PCDHB10: variants seen among roughly 807,000 people sequenced by gnomAD.
The protein encoded by PCDHB10 is protocadherin beta 10.
For missense variants in PCDHB10, 1,046 were observed against 1,004.7 expected, an observed-to-expected ratio of 1.04 and a Z score of -0.56; for synonymous variants, 448 against 449.2, an observed-to-expected ratio of 1.00 and a Z score of 0.04.
In PCDHB10 at chr5:141,194,814, G is replaced by A; in HGVS notation, c.2262G>A (p.Glu754=). The change falls in exon 1 of 1, where the codon GAG becomes GAA. Residue 754 remains glutamate, a synonymous_variant. Coordinates refer to ENST00000239446, the MANE Select transcript of PCDHB10 (RefSeq NM_018930.4). ...CCCTGTCCCAGAGCTACCAGTATGA[G>A]GTGTGTCTGACGGGAGGCCCCGGGA... The part of the protein sequence containing the change: ...AETLSQSYQY[E]VCLTGGPGTS... 2 of 1,614,190 alleles carry A rather than the reference G, an allele frequency of 1.2e-6. No individual in the cohort carries two copies.
rs1554284030 is a variant in PCDHB10, at chr5:141,193,306, C to G, written c.754C>G (p.Pro252Ala). 6.2e-7 allele frequency: 1 copy of G among 1,614,048 alleles called. No homozygotes were observed. Among genetic ancestry groups the G allele is most frequent in the South Asian group, 1.1e-5 (1 of 91,066 alleles). ...CCAGGCTCTGTATGAGACCCAGGCT[C>G]CAGAAAACAGCCCCATTGGGTTCCT... Reference protein sequence around the residue: ...FAQALYETQAPENSPIGFLIV... With the variant: ...FAQALYETQAAENSPIGFLIV... The change falls in exon 1 of 1, where the codon CCA becomes GCA. Residue 252 changes from proline to alanine, a missense_variant. Transcript: ENST00000239446.
rs371647116 is a variant in PCDHB10 at position 141,194,899 on chromosome 5, A to G, written c.2347A>G (p.Arg783Gly). ...ISDIQAQGPGRKGEENSTFRN... is the reference protein window; with the variant it reads ...ISDIQAQGPGGKGEENSTFRN... ...GGATATTCAGGCACAGGGCCCTGGG[A>G]GGAAGGGTGAAGAAAATTCCACCTT... The change falls in exon 1 of 1, where the codon AGG becomes GGG. Residue 783 changes from arginine to glycine, a missense_variant. Physicochemically the swap from Arg to Gly is moderately radical, Grantham distance 125 (BLOSUM62 -2). Coordinates refer to ENST00000239446, the MANE Select transcript of PCDHB10 (RefSeq NM_018930.4). The G allele has an allele frequency of 2.4e-4, 388 of 1,613,680 alleles. 5 individuals carry two copies. The South Asian group carries it at 4.1e-3, about 17-fold the overall frequency.
Position 141,195,185 on chromosome 5 carries a change from C to G in PCDHB10, c.*230C>G. ...GTGTTAAGGTTTTAATTCTTTCCAA[C>G]TGCCCAAGGAATTAATTACTATTAT... On this transcript the variant is annotated 3_prime_UTR_variant, in exon 1 of 1. Transcript: ENST00000239446. 2 of 429,996 alleles carry G rather than the reference C, an allele frequency of 4.7e-6. No homozygotes were observed. The highest frequency in any genetic ancestry group is 8.9e-5 in the South Asian group (2 of 22,370). 26.6% of individuals were successfully genotyped at this position (429,996 alleles called of 1,614,324 possible). A position where few individuals can be genotyped will look rare whatever the true frequency, so the allele number is the denominator to read the frequency against.
rs369842730 is a variant in PCDHB10 at position 141,192,602 on chromosome 5, T to C, written c.50T>C (p.Leu17Pro). The C allele has an allele frequency of 4.1e-5, 66 of 1,614,032 alleles. 1 individual carries two copies. The highest frequency in any genetic ancestry group is 5.0e-5 in the Non-Finnish European group (59 of 1,180,050). Residue 17 changes from leucine (L) to proline (P), a missense_variant, in exon 1 of 1, where the codon CTT (leucine) becomes CCT (proline). Leu to Pro is a moderately conservative substitution (Grantham distance 98). Coordinates refer to ENST00000239446, the MANE Select transcript of PCDHB10 (RefSeq NM_018930.4). ...CCAAGACAAAGGCAAGTCCTGTTTCTTTTTCTTTTTTGGGGAGTGTCCTTG... is the reference window on the plus strand; with the variant it reads ...CCAAGACAAAGGCAAGTCCTGTTTCCTTTTCTTTTTTGGGGAGTGTCCTTG... ...CFPRQRQVLF[L>P]FLFWGVSLAG...
chr5:141,195,531 T>C lies in PCDHB10; in HGVS notation c.*576T>C, dbSNP rs1297304138. The C allele has an allele frequency of 6.0e-6, 1 of 166,798 alleles. No homozygotes were observed. The highest frequency in any genetic ancestry group is 1.5e-5 in the Non-Finnish European group (1 of 67,998). 10.3% of individuals were successfully genotyped at this position (166,798 alleles called of 1,614,324 possible). A position where few individuals can be genotyped will look rare whatever the true frequency, so the allele number is the denominator to read the frequency against. ...AAGCATGCTACTTTTACTTGGCCAA[T>C]ATTTTCTTATGTTAACTTTTGCTGA... On this transcript the variant is annotated 3_prime_UTR_variant, in exon 1 of 1. Transcript: ENST00000239446.
Position 141,194,898 on chromosome 5 carries a change from G to A in PCDHB10, c.2346G>A (p.Gly782=). Reference sequence around the variant, plus strand: ...CGGATATTCAGGCACAGGGCCCTGGGAGGAAGGGTGAAGAAAATTCCACCT... The same window carrying A: ...CGGATATTCAGGCACAGGGCCCTGGAAGGAAGGGTGAAGAAAATTCCACCT... ...VISDIQAQGP[G]RKGEENSTFR... The change falls in exon 1 of 1, where the codon GGG becomes GGA. Residue 782 remains glycine (G), a synonymous_variant. Coordinates refer to ENST00000239446, the MANE Select transcript of PCDHB10 (RefSeq NM_018930.4). The A allele has an allele frequency of 6.2e-7, 1 of 1,613,714 alleles. No homozygotes were observed. The highest frequency in any genetic ancestry group is 8.5e-7 in the Non-Finnish European group (1 of 1,179,794).
In PCDHB10 at chr5:141,194,574, G is replaced by T. The variant is rs369381936; in HGVS notation, c.2022G>T (p.Pro674=). The T allele has an allele frequency of 5.2e-5, 81 of 1,565,664 alleles. 4 individuals are homozygous for T. The highest frequency in any genetic ancestry group is 2.2e-4 in the Admixed American group (12 of 55,156). ...DGFSQPYLPL[P]EAAPAQAQAE... ...TCTCCCAGCCCTACCTGCCTCTCCC[G>T]GAGGCGGCCCCGGCCCAGGCCCAGG... is the stretch of plus-strand genomic sequence containing the variant. Residue 674 remains proline, a synonymous_variant, in exon 1 of 1, where the codon CCG becomes CCT. Coordinates refer to ENST00000239446, the MANE Select transcript of PCDHB10 (RefSeq NM_018930.4).
In PCDHB10 at chr5:141,192,898, A is replaced by G. The variant is rs1198228076; in HGVS notation, c.346A>G (p.Ile116Val). The G allele has an allele frequency of 1.9e-6, 3 of 1,613,838 alleles. No homozygotes were observed. In the African/African-American group the frequency reaches 4.0e-5, roughly 22 times the overall value. Residue 116 changes from isoleucine (I) to valine (V), a missense_variant, in exon 1 of 1, where the codon ATT becomes GTT. Physicochemically the swap from Ile to Val is conservative, Grantham distance 29 (BLOSUM62 3). Transcript: ENST00000239446. ...FQILMDDPFQ[I>V]YRAELRVRDI... is the part of the protein sequence containing the mutation. ...AATTTTAATGGATGATCCCTTTCAGATTTACCGGGCTGAGCTGAGAGTCAG... is the reference window on the plus strand; with the variant it reads ...AATTTTAATGGATGATCCCTTTCAGGTTTACCGGGCTGAGCTGAGAGTCAG...
Position 141,194,394 on chromosome 5 carries a change from G to A in PCDHB10, c.1842G>A (p.Leu614=), listed in dbSNP as rs782793760. ...TGCTCAAGGCCACGGAGCCCGGGCTGTTCGGTGTGTGGGCGCACAATGGGG... is the reference window on the plus strand; with the variant it reads ...TGCTCAAGGCCACGGAGCCCGGGCTATTCGGTGTGTGGGCGCACAATGGGG... ...YQLLKATEPG[L]FGVWAHNGEV... Residue 614 remains leucine, a synonymous_variant, in exon 1 of 1, where the codon CTG becomes CTA. Transcript: ENST00000239446. 244 of 1,602,756 alleles carry A rather than the reference G, an allele frequency of 1.5e-4. No individual in the cohort carries two copies. The highest frequency in any genetic ancestry group is 5.5e-5 in the South Asian group (5 of 90,888).
Position 141,193,801 on chromosome 5 carries a change from T to C in PCDHB10, c.1249T>C (p.Tyr417His). ...GCTGGACAGAGAGATCAGAGCCGAG[T>C]ACAACATCACTATCACCGTCACTGA... is the stretch of plus-strand genomic sequence containing the variant. The part of the protein sequence containing the change: ...GALDREIRAE[Y>H]NITITVTDLG... The change falls in exon 1 of 1, where the codon TAC (tyrosine) becomes CAC (histidine). Residue 417 changes from tyrosine to histidine, a missense_variant. Coordinates refer to ENST00000239446, the MANE Select transcript of PCDHB10 (RefSeq NM_018930.4). 6.2e-7 allele frequency: 1 copy of C among 1,614,040 alleles called. No homozygotes were observed. Among genetic ancestry groups the C allele is most frequent in the African/African-American group, 1.3e-5 (1 of 74,962 alleles).
In PCDHB10 at chr5:141,194,782, G is replaced by A. The variant is rs782018178; in HGVS notation, c.2230G>A (p.Ala744Thr). The A allele has an allele frequency of 1.9e-5, 31 of 1,613,926 alleles. No homozygotes were observed. The African/African-American group carries it at 2.5e-4, about 13-fold the overall frequency. ...AGGGCATCTGGTGGACGTGAGGGGC[G>A]CTGAGACCCTGTCCCAGAGCTACCA... ...FPGHLVDVRG[A>T]ETLSQSYQYE... The change falls in exon 1 of 1, where the codon GCT becomes ACT. Residue 744 changes from alanine to threonine, a missense_variant. Physicochemically the swap from Ala to Thr is moderately conservative, Grantham distance 58 (BLOSUM62 0). Transcript: ENST00000239446.
Position 141,193,815 on chromosome 5 carries a change from C to G in PCDHB10, c.1263C>G (p.Ile421Met). 1 of 1,614,212 alleles carries G rather than the reference C, an allele frequency of 6.2e-7. No individual in the cohort carries two copies. Among genetic ancestry groups the G allele is most frequent in the Non-Finnish European group, 8.5e-7 (1 of 1,180,044 alleles). Reference sequence around the variant, plus strand: ...TCAGAGCCGAGTACAACATCACTATCACCGTCACTGACTTGGGGACACCCA... The same window carrying G: ...TCAGAGCCGAGTACAACATCACTATGACCGTCACTGACTTGGGGACACCCA... ...REIRAEYNIT[I>M]TVTDLGTPRL... Residue 421 changes from isoleucine to methionine, a missense_variant, in exon 1 of 1, where the codon ATC (isoleucine) becomes ATG (methionine). Physicochemically the swap from Ile to Met is conservative, Grantham distance 10 (BLOSUM62 1). Transcript: ENST00000239446.
At position 141,193,429 on chromosome 5, in the gene PCDHB10, C is replaced by A; in HGVS notation, c.877C>A (p.Gln293Lys). 1 of 1,614,144 alleles carries A rather than the reference C, an allele frequency of 6.2e-7. No homozygotes were observed. Among genetic ancestry groups the A allele is most frequent in the Non-Finnish European group, 8.5e-7 (1 of 1,180,014 alleles). ...DASENIRTTF[Q>K]INPFSGEIFL... ...CTCAGAAAATATTCGAACAACCTTT[C>A]AAATCAATCCTTTTTCTGGGGAAAT... The change falls in exon 1 of 1, where the codon CAA becomes AAA. Residue 293 changes from glutamine to lysine, a missense_variant. Gln to Lys is a moderately conservative substitution (Grantham distance 53). Transcript: ENST00000239446.
Position 141,195,309 on chromosome 5 carries a change from G to A in PCDHB10, c.*354G>A, listed in dbSNP as rs1265612822. The A allele has an allele frequency of 5.6e-6, 1 of 179,750 alleles. No individual in the cohort carries two copies. The highest frequency in any genetic ancestry group is 2.4e-5 in the African/African-American group (1 of 41,850). 11.1% of individuals were successfully genotyped at this position (179,750 alleles called of 1,614,324 possible). On this transcript the variant is annotated 3_prime_UTR_variant, in exon 1 of 1. Coordinates refer to ENST00000239446, the MANE Select transcript of PCDHB10 (RefSeq NM_018930.4). Reference sequence around the variant, plus strand: ...TAGTGTACTTGCTCTATTTAAGAAGGCATATCTACATTTCCAAACTCATTC... The same window carrying A: ...TAGTGTACTTGCTCTATTTAAGAAGACATATCTACATTTCCAAACTCATTC...
chr5:141,192,778 C>T lies in PCDHB10; in HGVS notation c.226C>T (p.Leu76Phe), dbSNP rs781856099. The T allele has an allele frequency of 1.0e-5, 16 of 1,607,392 alleles. No homozygotes were observed. The African/African-American group carries it at 1.6e-4, about 16-fold the overall frequency. Residue 76 changes from leucine (L) to phenylalanine (F), a missense_variant, in exon 1 of 1, where the codon CTC becomes TTC. Leu to Phe is a conservative substitution (Grantham distance 22). Transcript: ENST00000239446. ...VVSDDNKQYL[L>F]LDSHTGNLLT... ...TTCCGATGATAACAAACAATACCTG[C>T]TCCTGGATTCACATACCGGGAATTT...
rs781882990 is a variant in PCDHB10, at chr5:141,193,649, C to T, written c.1097C>T (p.Ala366Val). 2.5e-6 allele frequency: 4 copies of T among 1,614,116 alleles called. No individual in the cohort carries two copies. In the South Asian group the frequency reaches 4.4e-5, roughly 18 times the overall value. Reference sequence around the variant, plus strand: ...GAGAATTCTCCTGAGACGCCGCTGGCTGTTTTTAAGATTAATGACAGAGAC... The same window carrying T: ...GAGAATTCTCCTGAGACGCCGCTGGTTGTTTTTAAGATTAATGACAGAGAC... ...VAENSPETPL[A>V]VFKINDRDSG... Residue 366 changes from alanine (A) to valine (V), a missense_variant, in exon 1 of 1, where the codon GCT (alanine) becomes GTT (valine). Physicochemically the swap from Ala to Val is moderately conservative, Grantham distance 64. Transcript: ENST00000239446.
At position 141,194,635 on chromosome 5, in the gene PCDHB10, G is replaced by A. The variant is rs201295326; in HGVS notation, c.2083G>A (p.Ala695Thr). The change falls in exon 1 of 1, where the codon GCG becomes ACG. Residue 695 changes from alanine to threonine, a missense_variant. Physicochemically the swap from Ala to Thr is moderately conservative, Grantham distance 58. Transcript: ENST00000239446. ...CTTGCTCACCGTCTACCTGGTGGTG[G>A]CGTTGGCCTCGGTGTCTTCGCTCTT... ...ADLLTVYLVVALASVSSLFLL... is the reference protein window; with the variant it reads ...ADLLTVYLVVTLASVSSLFLL... 26 of 1,600,282 alleles carry A rather than the reference G, an allele frequency of 1.6e-5. No individual in the cohort carries two copies. The African/African-American group carries it at 2.8e-4, about 17-fold the overall frequency.
chr5:141,192,366 G>C lies in PCDHB10; in HGVS notation c.-187G>C. Reference sequence around the variant, plus strand: ...GAATTGCTCTGAGGATGCTATGCAAGTCACTAATAAAGGAAGACACGGACA... The same window carrying C: ...GAATTGCTCTGAGGATGCTATGCAACTCACTAATAAAGGAAGACACGGACA... On this transcript the variant is annotated 5_prime_UTR_variant, in exon 1 of 1. Transcript: ENST00000239446. 2.8e-6 allele frequency: 2 copies of C among 713,740 alleles called. No homozygotes were observed. Among genetic ancestry groups the C allele is most frequent in the South Asian group, 4.2e-5 (2 of 47,196 alleles). The allele number at this position is 713,740 out of a possible 1,614,324, so 44.2% of individuals were successfully genotyped here.
In PCDHB10 at chr5:141,194,424, G is replaced by T. The variant is rs1554284402; in HGVS notation, c.1872G>T (p.Val624=). 8 of 1,603,502 alleles carry T rather than the reference G, an allele frequency of 5.0e-6. No homozygotes were observed. Among genetic ancestry groups the T allele is most frequent in the Non-Finnish European group, 6.8e-6 (8 of 1,179,472 alleles). The part of the protein sequence containing the change: ...LFGVWAHNGE[V]RTARLLSERD... ...GTGTGTGGGCGCACAATGGGGAGGT[G>T]CGCACCGCCAGGCTGCTGAGCGAGC... The change falls in exon 1 of 1, where the codon GTG becomes GTT. Residue 624 remains valine (V), a synonymous_variant. Transcript: ENST00000239446.
Sources: gnomAD v4.1 joint callset for allele counts on GRCh38, gnomAD v4.1.1 for gene constraint, MANE v1.5 for transcripts, NCBI Gene and HGNC (gene_info 2026-07-23, HGNC 2026-07-21) for gene names.